Variants in ATRNL1 observed in about 807,000 individuals in gnomAD.
ATRNL1 encodes attractin like 1, also known as attractin-like protein 1.
Under a neutral mutation model 182.7 loss-of-function variants are expected in ATRNL1, and 95 were observed. That is an observed-to-expected ratio of 0.52 (90% CI 0.44 to 0.62). The LOEUF is 0.62. Ranked by LOEUF, ATRNL1 falls within the 20% of genes least tolerant of loss-of-function variation. The pLI is 0.00. For synonymous variants in ATRNL1, 576 were observed against 568.3 expected (o/e 1.01, Z -0.19); for missense variants, 1,471 against 1,679.5 (o/e 0.88, Z 2.17).
chr10:115,171,418 T>C, intron 8 of ATRNL1, 126 bp downstream of exon 8: 2 of 792,646 alleles, frequency 2.5e-6, no homozygotes, highest in African/African-American at 1.8e-5. Context: ...TGATAATTAA[T>C]AATTTTTAAT....
chr10:115,928,076 C>T (rs1443330165), intron 28 of ATRNL1, among the ~76,000 whole-genome samples: 1 of 152,128 alleles, frequency 6.6e-6, no homozygotes, highest in South Asian at 2.1e-4. Flanking sequence ...TCTAAGGCTC[C>T]TTCCAGCTCT....
chr10:115,418,346 A>T (rs1592627916), intron 20 of ATRNL1, among the ~76,000 whole-genome samples: 1 of 152,182 alleles, frequency 6.6e-6, no homozygotes, highest in East Asian at 1.9e-4. Flanking sequence ...AGCACAATAG[A>T]TCAAACAAAA....
intron 26 of ATRNL1, among the ~76,000 whole-genome samples, chr10:115,639,506 A>G (rs181599323): frequency 2.0e-5 from 3 of 152,342 alleles, no homozygotes; most frequent in Non-Finnish European, 4.4e-5. Flanking sequence ...GATTGAAACA[A>G]AAAGTATAAT....
At chr10:115,771,990 A>G (rs1555076521) in intron 27 of ATRNL1, among the ~76,000 whole-genome samples, 1 of 152,206 alleles carries the variant, frequency 6.6e-6, no homozygotes, top group African/African-American at 2.4e-5. Context: ...GCTGAAGGCT[A>G]GTGTTGACTG....
intron 1 of ATRNL1, among the ~76,000 whole-genome samples, chr10:115,110,269 T>G (rs573646989): frequency 1.3e-5 from 2 of 152,186 alleles, no homozygotes; most frequent in Non-Finnish European, 2.9e-5. Flanking sequence ...TCTAATCACA[T>G]GAGCCCTTTA....
chr10:115,746,426 A>G (rs889653618), intron 27 of ATRNL1, among the ~76,000 whole-genome samples: 2 of 152,062 alleles, frequency 1.3e-5, no homozygotes, highest in African/African-American at 2.4e-5. Context: ...AAATCATTAT[A>G]CCTGAATGGG....
At chr10:115,318,917 T>G (rs1854443727) in intron 18 of ATRNL1, among the ~76,000 whole-genome samples, 1 of 152,116 alleles carries the variant, frequency 6.6e-6, no homozygotes, top group Non-Finnish European at 1.5e-5. Context: ...TCTCAGTTAT[T>G]TCTTGTCTTC....
chr10:115,192,248 A>G (rs937453483), intron 8 of ATRNL1, among the ~76,000 whole-genome samples: 1 of 152,022 alleles, frequency 6.6e-6, no homozygotes, highest in Non-Finnish European at 1.5e-5. Flanking sequence ...GTAAGTCTTT[A>G]ATCCATTTTG....
At chr10:115,301,031 T>A (rs1853441850) in intron 16 of ATRNL1, among the ~76,000 whole-genome samples, 1 of 152,192 alleles carries the variant, frequency 6.6e-6, no homozygotes. Context: ...CTTAGCATAA[T>A]GTCTTTAGGG....
intron 19 of ATRNL1, among the ~76,000 whole-genome samples, chr10:115,364,722 A>G (rs1250596423): frequency 1.3e-5 from 2 of 151,892 alleles, no homozygotes; most frequent in Admixed American, 6.6e-5. Context: ...GAGAGTTTTT[A>G]TCATGAAGGG....
In ATRNL1 at chr10:115,096,501, CACTA is replaced by C. The variant is rs774476905; in HGVS notation, c.293+2463_293+2466del. On this transcript the variant is annotated intron_variant, in intron 1 of 28. Transcript: ENST00000355044. The stretch of plus-strand genomic sequence containing the variant: ...AGGCTTTAACTAGAAAATCTCACTT[CACTA>C]ACTATCTTGAAAATCTTTTTCTAAA... 1.7e-4 allele frequency: 71 copies of C among 410,922 alleles called. 1 individual carries two copies. The highest frequency in any genetic ancestry group is 2.6e-4 in the Non-Finnish European group (59 of 225,738). 25.5% of individuals were successfully genotyped at this position (410,922 alleles called of 1,614,324 possible). A position where few individuals can be genotyped will look rare whatever the true frequency, so the allele number is the denominator to read the frequency against.
At chr10:115,890,833 G>C (rs1418746257) in intron 28 of ATRNL1, among the ~76,000 whole-genome samples, 1 of 152,152 alleles carries the variant, frequency 6.6e-6, no homozygotes, top group Non-Finnish European at 1.5e-5. Context: ...GTTTGCTTCT[G>C]TGCCAAATTA....
chr10:115,448,799 T>A (rs1847139220), intron 21 of ATRNL1, among the ~76,000 whole-genome samples: 2 of 152,116 alleles, frequency 1.3e-5, no homozygotes, highest in Non-Finnish European at 2.9e-5. Context: ...TTTTTGCAGT[T>A]GAAAGTAATG....
At chr10:115,456,737 A>G (rs1847543607) in intron 21 of ATRNL1, among the ~76,000 whole-genome samples, 1 of 152,132 alleles carries the variant, frequency 6.6e-6, no homozygotes, top group Non-Finnish European at 1.5e-5. Context: ...TCCACAGACA[A>G]AACTCTAATA....
At chr10:115,316,754 G>A (rs569270991) in intron 18 of ATRNL1, among the ~76,000 whole-genome samples, 10 of 152,070 alleles carry the variant, frequency 6.6e-5, no homozygotes, top group East Asian at 1.9e-4. Context: ...AGTTTTTTAC[G>A]GAGTTGTTCA....
intron 9 of ATRNL1, among the ~76,000 whole-genome samples, chr10:115,231,821 A>T (rs1185548798): frequency 6.6e-6 from 1 of 152,002 alleles, no homozygotes; most frequent in African/African-American, 2.4e-5. Flanking sequence ...TTCTCAGTGA[A>T]GTAGGAAGTA....
intron 26 of ATRNL1, among the ~76,000 whole-genome samples, chr10:115,648,399 A>G (rs187681252): frequency 6.6e-6 from 1 of 152,326 alleles, no homozygotes; most frequent in Admixed American, 6.5e-5. Flanking sequence ...TTATAGATTC[A>G]GTGCCATCCC....
At chr10:115,138,539 C>T (rs1845619764) in intron 5 of ATRNL1, among the ~76,000 whole-genome samples, 1 of 152,240 alleles carries the variant, frequency 6.6e-6, no homozygotes, top group African/African-American at 2.4e-5. Flanking sequence ...TGGAAGCTGC[C>T]AAGGCCTGGG....
At chr10:115,840,083 G>A (rs1555096630) in intron 27 of ATRNL1, among the ~76,000 whole-genome samples, 1 of 152,150 alleles carries the variant, frequency 6.6e-6, no homozygotes, top group East Asian at 1.9e-4. Flanking sequence ...TTAGGTGCCA[G>A]GGAAAGTCTG....
Sources: allele counts gnomAD v4.1 joint callset (sites outside exome capture counted in the v4.1 genomes callset), GRCh38; gene constraint gnomAD v4.1.1; transcripts MANE v1.5; gene names NCBI Gene and HGNC (gene_info 2026-07-23, HGNC 2026-07-21).